The following GK variants were observed in gnomAD, a reference collection of about 807,000 sequenced individuals.
GK encodes the protein ATP:glycerol 3-phosphotransferase.
A neutral mutation model predicts 56.4 loss-of-function variants in GK; 9 were observed. The observed-to-expected ratio is 0.16, with a 90% CI of 0.10 to 0.28. GK has a LOEUF of 0.28. Among genes scored for constraint, GK ranks in the 10% least tolerant of loss-of-function variants. The pLI, the probability that GK is intolerant of heterozygous loss-of-function variation, is 1.00. For missense variants in GK, 161 were observed against 431.4 expected (o/e 0.37, Z 5.55); for synonymous variants, 104 against 144.1 (o/e 0.72, Z 1.99).
intron 13 of GK, among the ~76,000 whole-genome samples, chrX:30,712,763 C>T (rs1216701441): frequency 8.8e-5 from 7 of 79,690 alleles, no homozygotes; most frequent in Admixed American, 5.8e-4. Flanking sequence ...CTCGCTCTGT[C>T]GCCCAGGCTG....
At chrX:30,687,715 T>C (rs991799020) in intron 4 of GK, 1 of 313,978 alleles carries the variant, frequency 3.2e-6, no homozygotes, top group African/African-American at 2.7e-5. Context: ...GTCATTCCTT[T>C]TGATTGTTCT....
chrX:30,726,144 AAAAC>A (rs1043042237), intron 19 of GK, among the ~76,000 whole-genome samples: 1 of 112,087 alleles, frequency 8.9e-6, no homozygotes, highest in African/African-American at 3.2e-5. Flanking sequence ...AAAAGTTGAT[AAAAC>A]AAACAAAAAA....
At chrX:30,675,920 G>T (rs1238108681) in intron 3 of GK, among the ~76,000 whole-genome samples, 1 of 110,941 alleles carries the variant, frequency 9.0e-6, no homozygotes, top group African/African-American at 3.3e-5. Context: ...CTCCTGAGTA[G>T]CTGGGATTAC....
intron 9 of GK, among the ~76,000 whole-genome samples, chrX:30,698,883 AAG>A (rs1935405309): frequency 2.9e-5 from 3 of 104,590 alleles, no homozygotes; most frequent in Non-Finnish European, 5.9e-5. Flanking sequence ...AAAAAAAAAA[AAG>A]AAAAGAAAAT....
chrX:30,695,820 C>A (rs772362326), intron 6 of GK, among the ~76,000 whole-genome samples: 17 of 112,283 alleles, frequency 1.5e-4, no homozygotes, highest in Admixed American at 1.4e-3. Flanking sequence ...TGGCCACTAG[C>A]CACATTTGGC....
At chrX:30,704,128 T>TTATATATATATATATA (rs752736589) in intron 11 of GK, among the ~76,000 whole-genome samples, 2,739 of 74,714 alleles carry the variant, frequency 0.037, 82 homozygotes, top group East Asian at 0.049. Context: ...GTTATTCATT[T>TTATATATATATATATA]TATATATATA....
rs774073225 is a variant in GK at position 30,720,999 on chromosome X, C to A, written c.1501+4C>A. 1.5e-4 allele frequency: 186 copies of A among 1,204,783 alleles called. No individual in the cohort carries two copies. The East Asian group carries it at 5.1e-3, about 33-fold the overall frequency. On this transcript the variant is annotated splice_donor_region_variant and intron_variant, in intron 18 of 20. Transcript: ENST00000427190. ...GAACCTCAGATTAATGCGGAGGGTA[C>A]ATTTAAAGAATGAAATGTTCAGTGA... is the stretch of plus-strand genomic sequence containing the variant.
chrX:30,699,907 A>G (rs1935551991), intron 9 of GK: 1 of 112,914 alleles, frequency 8.9e-6, no homozygotes, highest in Admixed American at 9.3e-5. Flanking sequence ...ACAATACCTG[A>G]ACACTCTTGT....
chrX:30,716,031 G>T (rs1936601026), intron 13 of GK, among the ~76,000 whole-genome samples: 1 of 110,605 alleles, frequency 9.0e-6, no homozygotes, highest in African/African-American at 3.3e-5. Context: ...TTTTCCTTTT[G>T]CTAAAATCAT....
At position 30,677,275 on chromosome X, in the gene GK, A is replaced by C; in HGVS notation, c.260-100A>C. On this transcript the variant is annotated intron_variant, in intron 3 of 20. Transcript: ENST00000427190. ...GTTTCAAGTATTTTTTTGATTTGCTATGTTTAGTTGTGTCTCTAGTAAGAT... is the reference window on the plus strand; with the variant it reads ...GTTTCAAGTATTTTTTTGATTTGCTCTGTTTAGTTGTGTCTCTAGTAAGAT... 10 of 554,885 alleles carry C rather than the reference A, an allele frequency of 1.8e-5. No individual in the cohort carries two copies. In the South Asian group the frequency reaches 2.1e-4, roughly 12 times the overall value. 45.7% of individuals were successfully genotyped at this position (554,885 alleles called of 1,213,427 possible). A position where few individuals can be genotyped will look rare whatever the true frequency, so the allele number is the denominator to read the frequency against.
intron 4 of GK, among the ~76,000 whole-genome samples, chrX:30,678,425 C>T (rs1934057780): frequency 9.0e-6 from 1 of 111,432 alleles, no homozygotes; most frequent in Non-Finnish European, 1.9e-5. Flanking sequence ...TTCATTGTGT[C>T]AGAAAGCAAA....
chrX:30,722,102 T>C (rs893951036), intron 18 of GK, among the ~76,000 whole-genome samples: 1 of 111,613 alleles, frequency 9.0e-6, no homozygotes, highest in Non-Finnish European at 1.9e-5. Flanking sequence ...AGCATCAAAG[T>C]GGATTTTGAG....
intron 1 of GK, among the ~76,000 whole-genome samples, chrX:30,664,700 GC>G (rs1183141981): frequency 1.3e-5 from 1 of 78,416 alleles, no homozygotes; most frequent in East Asian, 4.1e-4. Flanking sequence ...GGACTCTATT[GC>G]CTTTTTTTTT....
chrX:30,687,117 G>A (rs1008723680), intron 4 of GK, among the ~76,000 whole-genome samples: 4 of 110,966 alleles, frequency 3.6e-5, no homozygotes, highest in Non-Finnish European at 7.6e-5. Flanking sequence ...AACACAGACT[G>A]TAGCATGCTC....
chrX:30,677,997 G>A (rs752378014), intron 4 of GK: 2 of 548,705 alleles, frequency 3.6e-6, no homozygotes, highest in East Asian at 6.6e-5. Context: ...CTTGCAGATT[G>A]TCTTACAAAT....
At chrX:30,717,228 A>G (rs1936673355) in intron 13 of GK, among the ~76,000 whole-genome samples, 1 of 110,807 alleles carries the variant, frequency 9.0e-6, no homozygotes, top group African/African-American at 3.3e-5. Flanking sequence ...AATAATCTAT[A>G]TGAATGAACT....
intron 19 of GK, among the ~76,000 whole-genome samples, chrX:30,725,273 C>T (rs938739670): frequency 8.9e-6 from 1 of 112,005 alleles, no homozygotes; most frequent in Non-Finnish European, 1.9e-5. Context: ...TTAGGAGAAG[C>T]TTCCAGAACT....
chrX:30,723,268 G>A (rs924081508), intron 18 of GK, among the ~76,000 whole-genome samples: 5 of 109,422 alleles, frequency 4.6e-5, no homozygotes, highest in African/African-American at 1.3e-4. Flanking sequence ...GGTGGTGGGC[G>A]CCTGTAGTCC....
rs1180364779 is a variant in GK at position 30,716,251 on chromosome X, G to A, written c.976-2287G>A. ...CAATTATGTATGCATTTCTTGGTTA[G>A]ATGCTATTTAAGGACAGTGTCTTTG... On this transcript the variant is annotated intron_variant, in intron 13 of 20. Coordinates refer to ENST00000427190, the MANE Select transcript of GK (RefSeq NM_001205019.2). 3.6e-5 allele frequency among the ~76,000 whole-genome samples: 4 copies of A among 111,936 alleles called. No individual in the cohort carries two copies. In the East Asian group the frequency reaches 1.1e-3, roughly 31 times the overall value.
Sources: gnomAD v4.1 joint callset for allele counts (sites outside exome capture counted in the v4.1 genomes callset) on GRCh38, gnomAD v4.1.1 for gene constraint, MANE v1.5 for transcripts, NCBI Gene and HGNC (gene_info 2026-07-23, HGNC 2026-07-21) for gene names.